ZC3H12B: variants seen among roughly 807,000 people sequenced by gnomAD.
The protein encoded by ZC3H12B is zinc finger CCCH-type containing 12B, also known as probable ribonuclease ZC3H12B.
In ZC3H12B, 7 loss-of-function variants were observed where a neutral mutation model predicts 43.9. The ratio of observed to expected loss-of-function variants is 0.16; its 90% confidence interval spans 0.09 to 0.30. The LOEUF (loss-of-function observed/expected upper bound fraction) is 0.30, where lower values mean the gene tolerates loss of function less well. Ranked by LOEUF, ZC3H12B falls within the 10% of genes least tolerant of loss-of-function variation. The probability of loss-of-function intolerance (pLI) is 1.00; values close to 1 mark genes in which losing one functional copy is unlikely to be tolerated. For synonymous variants in ZC3H12B, 222 were observed against 241.7 expected (o/e 0.92, Z 0.76); for missense variants, 475 against 670.2 (o/e 0.71, Z 3.22).
At chrX:65,363,837 C>A (rs1262619775), upstream of ZC3H12B, among the ~76,000 whole-genome samples, 1 of 111,830 alleles carries the variant, frequency 8.9e-6, no homozygotes, top group Admixed American at 9.5e-5. Context: ...GTTCTCATAA[C>A]TTCCAAAATC....
intron 2 of ZC3H12B, among the ~76,000 whole-genome samples, chrX:65,379,687 G>C (rs1166279245): frequency 8.9e-6 from 1 of 111,789 alleles, no homozygotes; most frequent in South Asian, 3.7e-4. Context: ...CAAACCAAAC[G>C]CAAAGAAGTT....
chrX:65,141,704 T>C, the ZC3H12B span, among the ~76,000 whole-genome samples: 2 of 110,738 alleles, frequency 1.8e-5, no homozygotes, highest in Non-Finnish European at 3.8e-5. Context: ...ATCCACTGTG[T>C]CATTCTTATG....
chrX:65,445,629 A>G (rs2067365915), intron 3 of ZC3H12B, among the ~76,000 whole-genome samples: 1 of 112,408 alleles, frequency 8.9e-6, no homozygotes, highest in Admixed American at 9.4e-5. Context: ...GGTCTCACCC[A>G]TGGTCTGTGG....
At chrX:65,203,726 G>A in the ZC3H12B span, among the ~76,000 whole-genome samples, 3 of 111,477 alleles carry the variant, frequency 2.7e-5, 1 homozygote, top group Admixed American at 2.9e-4. Flanking sequence ...GCACTGTCTT[G>A]GTCACCCTGG....
the ZC3H12B span, among the ~76,000 whole-genome samples, chrX:65,275,736 GAC>G: frequency 1.8e-5 from 2 of 112,312 alleles, no homozygotes; most frequent in African/African-American, 6.5e-5. Context: ...AATTGGAAGA[GAC>G]AACTTTTACA....
intron 3 of ZC3H12B, among the ~76,000 whole-genome samples, chrX:65,399,121 G>T (rs2066735543): frequency 8.9e-6 from 1 of 112,470 alleles, no homozygotes; most frequent in African/African-American, 3.2e-5. Flanking sequence ...ACTGGGTGAA[G>T]ATTTCTTGAG....
At chrX:65,243,197 T>C in the ZC3H12B span, among the ~76,000 whole-genome samples, 1 of 111,653 alleles carries the variant, frequency 9.0e-6, no homozygotes, top group Non-Finnish European at 1.9e-5. Context: ...TAAAACAGAA[T>C]TGGAGAAAAT....
At chrX:65,188,986 C>T in the ZC3H12B span, among the ~76,000 whole-genome samples, 1 of 86,809 alleles carries the variant, frequency 1.2e-5, no homozygotes, top group Non-Finnish European at 2.2e-5. Flanking sequence ...GTGATATTCC[C>T]CTTCCTGTGT....
the ZC3H12B span, among the ~76,000 whole-genome samples, chrX:65,071,255 C>T: frequency 9.9e-6 from 1 of 100,717 alleles, no homozygotes; most frequent in African/African-American, 3.6e-5. Context: ...TCTGTTTTCT[C>T]TGAAATTAGA....
At chrX:65,220,520 A>G in the ZC3H12B span, among the ~76,000 whole-genome samples, 1 of 112,171 alleles carries the variant, frequency 8.9e-6, no homozygotes, top group South Asian at 3.7e-4. Flanking sequence ...TTTTATGCAA[A>G]TGGACACCAA....
chrX:65,372,040 A>G (rs2066251873), intron 2 of ZC3H12B, among the ~76,000 whole-genome samples: 2 of 112,071 alleles, frequency 1.8e-5, no homozygotes, highest in Admixed American at 9.5e-5. Context: ...AAAGCCACCA[A>G]TAGAGAGTTT....
At chrX:65,171,929 G>A in the ZC3H12B span, among the ~76,000 whole-genome samples, 1 of 111,733 alleles carries the variant, frequency 8.9e-6, no homozygotes, top group African/African-American at 3.3e-5. Flanking sequence ...AATTTTCGAG[G>A]TACCATCTGT....
intron 4 of ZC3H12B, among the ~76,000 whole-genome samples, chrX:65,500,223 T>C (rs1005053450): frequency 5.3e-5 from 6 of 112,285 alleles, no homozygotes; most frequent in Admixed American, 1.9e-4. Context: ...CTTGTGACAA[T>C]AGTACATGTG....
chrX:65,343,686 G>A, the ZC3H12B span, among the ~76,000 whole-genome samples: 3 of 111,826 alleles, frequency 2.7e-5, no homozygotes, highest in African/African-American at 6.5e-5. Context: ...TGAAAATAAT[G>A]AGCCATTTAT....
intron 1 of ZC3H12B, 134 bp downstream of exon 3, chrX:65,366,900 A>G (rs1478446343): frequency 1.8e-5 from 2 of 112,613 alleles, no homozygotes; most frequent in Admixed American, 1.9e-4. Context: ...AATAGCTACT[A>G]TTCAGTGATG....
exon 5 of ZC3H12B, chrX:65,502,413 G>T: frequency 8.3e-7 from 1 of 1,210,431 alleles, no homozygotes; most frequent in South Asian, 1.8e-5. Flanking sequence ...GAAGTAGACC[G>T]GGGGGTGTAT....
intron 3 of ZC3H12B, among the ~76,000 whole-genome samples, chrX:65,415,745 T>C (rs1413822379): frequency 8.9e-6 from 1 of 112,256 alleles, no homozygotes; most frequent in African/African-American, 3.2e-5. Flanking sequence ...ACAAATTTAA[T>C]TAACTTCTCT....
At chrX:65,187,064 G>C in the ZC3H12B span, 4 of 111,801 alleles carry the variant, frequency 3.6e-5, no homozygotes, top group Non-Finnish European at 5.6e-5. Flanking sequence ...GGGATTGCTG[G>C]ATCAAACGGT....
intron 3 of ZC3H12B, among the ~76,000 whole-genome samples, chrX:65,452,847 CACACACACACACA>C (rs2067537263): frequency 1.1e-5 from 1 of 94,478 alleles, no homozygotes; most frequent in Non-Finnish European, 2.3e-5. Flanking sequence ...TCTAAACACA[CACACACACACACA>C]CACACACACA....
Sources: gnomAD v4.1 joint callset for allele counts (sites outside exome capture counted in the v4.1 genomes callset) on GRCh38, gnomAD v4.1.1 for gene constraint, MANE v1.5 for transcripts, NCBI Gene and HGNC (gene_info 2026-07-23, HGNC 2026-07-21) for gene names.